The following STOX2 variants were observed in gnomAD, a reference collection of about 807,000 sequenced individuals.
The protein encoded by STOX2 is storkhead-box protein 2.
Under a neutral mutation model 60.9 loss-of-function variants are expected in STOX2, and 28 were observed. The ratio of observed to expected loss-of-function variants is 0.46; its 90% CI spans 0.34 to 0.63. The LOEUF is 0.63. Among genes scored for constraint, STOX2 ranks in the 30% least tolerant of loss-of-function variants. STOX2 has a pLI of 0.01. For synonymous variants in STOX2, 472 were observed against 463.9 expected (o/e 1.02, Z -0.22); for missense variants, 1,024 against 1,187.7 (o/e 0.86, Z 2.03).
chr4:183,842,227 T>G (rs1328490535), intron 1 of STOX2, among the ~76,000 whole-genome samples: 1 of 152,236 alleles, frequency 6.6e-6, no homozygotes, highest in East Asian at 1.9e-4. Flanking sequence ...TAGATCTGCT[T>G]TTTTAGATGG....
rs1056524104 is a variant in STOX2, at chr4:183,938,697, T to C, written c.166+31741T>C. Among the ~76,000 whole-genome samples, 5 of 149,696 alleles carry C rather than the reference T, an allele frequency of 3.3e-5. No homozygotes were observed. In the South Asian group the frequency reaches 1.1e-3, roughly 32 times the overall value. On this transcript the variant is annotated intron_variant, in intron 1 of 3. Coordinates refer to ENST00000308497, the MANE Select transcript of STOX2 (RefSeq NM_020225.3). The stretch of plus-strand genomic sequence containing the variant: ...AAAAAAAAAAAAAAAAAAAAAAATC[T>C]ATTTTATTCCCAAAGTTCACTCTTT...
chr4:183,830,342 G>A (rs1420561837), intron 1 of STOX2, among the ~76,000 whole-genome samples: 4 of 152,284 alleles, frequency 2.6e-5, no homozygotes, highest in African/African-American at 9.6e-5. Context: ...ACTCTCAGTC[G>A]ACTGAATTAC....
chr4:183,875,488 A>T (rs1740808636), intron 1 of STOX2, among the ~76,000 whole-genome samples: 1 of 152,196 alleles, frequency 6.6e-6, no homozygotes, highest in African/African-American at 2.4e-5. Context: ...AGCCTGTGAT[A>T]GTCGGGACTG....
chr4:183,995,338 G>T (rs1245941869), intron 1 of STOX2, among the ~76,000 whole-genome samples: 5 of 113,670 alleles, frequency 4.4e-5, no homozygotes, highest in African/African-American at 1.7e-4. Flanking sequence ...AAATAGAACC[G>T]AGATAAGAAC....
intron 3 of STOX2, among the ~76,000 whole-genome samples, chr4:184,012,488 C>G (rs1734209602): frequency 6.6e-6 from 1 of 151,922 alleles, no homozygotes; most frequent in Non-Finnish European, 1.5e-5. Flanking sequence ...TCACTATATC[C>G]CTGGATAATT....
intron 1 of STOX2, among the ~76,000 whole-genome samples, chr4:183,959,522 T>C (rs1427645510): frequency 6.6e-6 from 1 of 152,166 alleles, no homozygotes; most frequent in Non-Finnish European, 1.5e-5. Context: ...ATCTAAAACA[T>C]GTGTCAGGTT....
chr4:183,907,720 C>A (rs1286226775), intron 1 of STOX2, among the ~76,000 whole-genome samples: 1 of 152,146 alleles, frequency 6.6e-6, no homozygotes, highest in African/African-American at 2.4e-5. Context: ...TTTGGAAATA[C>A]AACGGAATGG....
Position 184,021,932 on chromosome 4 carries a change from C to T in STOX2, c.*4648C>T, listed in dbSNP as rs1206798554. On this transcript the variant is annotated 3_prime_UTR_variant, in exon 4 of 4. Transcript: ENST00000308497. ...AGCAGGAGCAATCTCTTCTATCCCC[C>T]ATCTCCCCCAGGACCATCCCGCCCA... The T allele has an allele frequency of 6.6e-6, 1 of 152,490 alleles. No homozygotes were observed. The highest frequency in any genetic ancestry group is 2.4e-5 in the African/African-American group (1 of 41,428). The allele number at this position is 152,490 out of a possible 1,614,324, so 9.4% of individuals were successfully genotyped here.
At position 183,856,502 on chromosome 4, in the gene STOX2, T is replaced by C. The variant is rs1740288695; in HGVS notation, c.364+58447T>C. 6.6e-6 allele frequency among the ~76,000 whole-genome samples: 1 copy of C among 152,202 alleles called. No individual in the cohort carries two copies. The highest frequency in any genetic ancestry group is 1.5e-5 in the Non-Finnish European group (1 of 68,026). On this transcript the variant is annotated intron_variant, in intron 1 of 2. Coordinates refer to the STOX2 transcript ENST00000513034. The surrounding 1 kb of genome is among the most constrained non-coding windows in gnomAD (Gnocchi z 4.0). ...TTAATTCTGTTATTTCCACCTTCCCTCAGCAGTCTCCATCCAAACTGAAGG... is the reference window on the plus strand; with the variant it reads ...TTAATTCTGTTATTTCCACCTTCCCCCAGCAGTCTCCATCCAAACTGAAGG...
At chr4:183,807,568 G>A (rs1031508002) in intron 1 of STOX2, among the ~76,000 whole-genome samples, 1 of 152,156 alleles carries the variant, frequency 6.6e-6, no homozygotes, top group Admixed American at 6.5e-5. Flanking sequence ...CTTCTCTAGG[G>A]AACACTTGCG....
intron 1 of STOX2, among the ~76,000 whole-genome samples, chr4:183,839,625 C>T (rs1560839678): frequency 6.6e-6 from 1 of 152,192 alleles, no homozygotes; most frequent in African/African-American, 2.4e-5. Context: ...TGCAAGTCTA[C>T]AGGGCAAAGT....
At position 183,970,207 on chromosome 4, in the gene STOX2, C is replaced by T. The variant is rs532390444; in HGVS notation, c.167-31118C>T. Among the ~76,000 whole-genome samples the T allele has an allele frequency of 1.2e-4, 17 of 146,962 alleles. No homozygotes were observed. In the East Asian group the frequency reaches 1.4e-3, roughly 12 times the overall value. On this transcript the variant is annotated intron_variant, in intron 1 of 3. Coordinates refer to ENST00000308497, the MANE Select transcript of STOX2 (RefSeq NM_020225.3). ...GGGGTTCCAGCTGAATTTTCTGTCC[C>T]GAGGTTGAGTTAGAAATCAGCTTTT... is the stretch of plus-strand genomic sequence containing the variant.
At chr4:183,913,278 T>C (rs989573946) in intron 1 of STOX2, among the ~76,000 whole-genome samples, 3 of 152,136 alleles carry the variant, frequency 2.0e-5, no homozygotes, top group Admixed American at 6.5e-5. Context: ...ATCTTGAAAT[T>C]TGGGCGGATT....
intron 1 of STOX2, among the ~76,000 whole-genome samples, chr4:183,956,736 A>G (rs1409465929): frequency 1.3e-5 from 2 of 152,002 alleles, no homozygotes; most frequent in African/African-American, 4.8e-5. Flanking sequence ...TAAAATTCTT[A>G]TATTTAAATT....
At chr4:183,953,028 G>A (rs1368547593) in intron 1 of STOX2, among the ~76,000 whole-genome samples, 2 of 152,146 alleles carry the variant, frequency 1.3e-5, no homozygotes, top group Non-Finnish European at 2.9e-5. Context: ...TCACACACTG[G>A]GGCCTGTCAG....
At chr4:183,814,080 T>G (rs1739097830) in intron 1 of STOX2, among the ~76,000 whole-genome samples, 1 of 152,232 alleles carries the variant, frequency 6.6e-6, no homozygotes, top group South Asian at 2.1e-4. Flanking sequence ...GAGAGCTATA[T>G]GTAGGAAGCT....
At chr4:183,958,321 C>G (rs2111158082) in intron 1 of STOX2, among the ~76,000 whole-genome samples, 1 of 152,236 alleles carries the variant, frequency 6.6e-6, no homozygotes, top group Non-Finnish European at 1.5e-5. Context: ...AGAGATATCA[C>G]TGGGCTCTTT....
Position 184,023,138 on chromosome 4 carries a change from A to G in STOX2, c.*5854A>G, listed in dbSNP as rs1400085146. The stretch of plus-strand genomic sequence containing the variant: ...TTTGCAGCCAAGACTGCCTTGAATA[A>G]AATGTGTTTGCACTGAAAAAAAATT... On this transcript the variant is annotated 3_prime_UTR_variant, in exon 4 of 4. Transcript: ENST00000308497. The G allele has an allele frequency of 1.3e-5, 2 of 152,200 alleles. No individual in the cohort carries two copies. Among genetic ancestry groups the G allele is most frequent in the Non-Finnish European group, 2.9e-5 (2 of 68,042 alleles). The allele number at this position is 152,200 out of a possible 1,614,324, so 9.4% of individuals were successfully genotyped here.
chr4:184,000,599 C>G (rs1389523323), intron 1 of STOX2, among the ~76,000 whole-genome samples: 1 of 152,156 alleles, frequency 6.6e-6, no homozygotes, highest in Non-Finnish European at 1.5e-5. Context: ...CTTCTGTGCC[C>G]CAGAAAACAT....
Sources: gnomAD v4.1 joint callset for allele counts (sites outside exome capture counted in the v4.1 genomes callset) on GRCh38, gnomAD v4.1.1 for gene constraint, Gnocchi (gnomAD v3.1) non-coding constraint, MANE v1.5 for transcripts, NCBI Gene and HGNC (gene_info 2026-07-23, HGNC 2026-07-21) for gene names.